Variants in GSPT1 observed in about 807,000 individuals in gnomAD.
The protein encoded by GSPT1 is eukaryotic peptide chain release factor GTP-binding subunit ERF3A.
Under a neutral mutation model 72.5 loss-of-function variants are expected in GSPT1, and 20 were observed. The observed-to-expected ratio is 0.28, with a 90% CI of 0.19 to 0.40. The LOEUF is 0.40. Ranked by LOEUF, GSPT1 falls within the 10% of genes least tolerant of loss-of-function variation. The pLI is 1.00. For missense variants in GSPT1, 580 were observed against 811.9 expected, an observed-to-expected ratio of 0.71 and a Z score of 3.47; for synonymous variants, 334 against 293.5, an observed-to-expected ratio of 1.14 and a Z score of -1.41.
At chr16:11,894,896 T>C in intron 5 of GSPT1, 58 bp downstream of exon 5, 1 of 1,080,620 alleles carries the variant, frequency 9.3e-7, no homozygotes, top group South Asian at 1.3e-5. Context: ...AGGTTTACAA[T>C]GCCTAAAATT....
rs1158026034 is a variant in GSPT1 at position 11,911,854 on chromosome 16, A to ATTTTTTTTTTTTTTTTT, written c.352+3498_352+3514dup. On this transcript the variant is annotated intron_variant, in intron 1 of 14. Coordinates refer to ENST00000434724, the MANE Select transcript of GSPT1 (RefSeq NM_002094.4). ...GGCATGAGCCACTGCACCCAGCTGTATTTTTTTTTTTTTTTTTTTTTTTTT... is the reference window on the plus strand; with the variant it reads ...GGCATGAGCCACTGCACCCAGCTGTATTTTTTTTTTTTTTTTTTTTTTTTTTTTTTTTTTTTTTTTTT... Among the ~76,000 whole-genome samples, 21 of 45,410 alleles carry ATTTTTTTTTTTTTTTTT rather than the reference A, an allele frequency of 4.6e-4. 5 individuals are homozygous for ATTTTTTTTTTTTTTTTT. The highest frequency in any genetic ancestry group is 1.9e-3 in the South Asian group (2 of 1,060). The allele number at this position is 45,410 out of a possible 152,430, so 29.8% of individuals were successfully genotyped here. A position where few individuals can be genotyped will look rare whatever the true frequency, so the allele number is the denominator to read the frequency against.
chr16:11,891,090 C>T lies in GSPT1; in HGVS notation c.748G>A (p.Glu250Lys). 6.7e-7 allele frequency: 1 copy of T among 1,494,372 alleles called. No homozygotes were observed. The highest frequency in any genetic ancestry group is 9.1e-7 in the Non-Finnish European group (1 of 1,104,088). The allele number at this position is 1,494,372 out of a possible 1,614,324, so 92.6% of individuals were successfully genotyped here. A position where few individuals can be genotyped will look rare whatever the true frequency, so the allele number is the denominator to read the frequency against. ...GTTTCTCTGTTTTTCTCTTTAGCTT[C>T]TCTTTCATACTTTTCAAGCGTCCTT... ...DKRTLEKYER[E>K]AKEKNRETWY... Residue 250 changes from glutamate to lysine, a missense_variant, in exon 6 of 15, where the codon GAA (glutamate) becomes AAA (lysine). By Grantham distance (56) the Glu-to-Lys change is moderately conservative. Around this residue, in one of 6 missense-constraint regions of GSPT1, gnomAD observed 51 missense variants for 118.2 expected, o/e 0.43. Transcript: ENST00000434724.
intron 1 of GSPT1, chr16:11,904,002 T>C (rs1278148272): frequency 9.1e-6 from 2 of 219,710 alleles, no homozygotes; most frequent in Non-Finnish European, 2.0e-5. Context: ...ATATGCCTTC[T>C]TTCTTGGTTC....
chr16:11,894,361 T>C (rs2054308390), intron 5 of GSPT1, among the ~76,000 whole-genome samples: 1 of 151,964 alleles, frequency 6.6e-6, no homozygotes, highest in Non-Finnish European at 1.5e-5. Context: ...ATTTCATACC[T>C]AGGAAATTTC....
intron 5 of GSPT1, among the ~76,000 whole-genome samples, chr16:11,891,357 T>C (rs1270712019): frequency 6.9e-6 from 1 of 144,106 alleles, no homozygotes; most frequent in Non-Finnish European, 1.5e-5. Flanking sequence ...ATATATTACA[T>C]ATATATATAT....
intron 1 of GSPT1, among the ~76,000 whole-genome samples, chr16:11,912,297 G>C (rs1002788120): frequency 1.3e-5 from 2 of 148,186 alleles, no homozygotes; most frequent in African/African-American, 2.5e-5. Flanking sequence ...GTAGTCAGCC[G>C]AGATCGTGCC....
At chr16:11,898,180 CT>C (rs2054363697) in intron 1 of GSPT1, 145 bp from the exon 2 acceptor site, 1 of 613,576 alleles carries the variant, frequency 1.6e-6, no homozygotes, top group Admixed American at 3.0e-5. Flanking sequence ...TAACTCAGGC[CT>C]TCAAGTTAGA....
chr16:11,916,043 T>G, upstream of GSPT1: 1 of 615,774 alleles, frequency 1.6e-6, no homozygotes, highest in Non-Finnish European at 3.1e-6. Context: ...CACCCGTACC[T>G]TCGCCTCGGT....
At chr16:11,887,824 G>T in intron 6 of GSPT1, 74 bp from the exon 7 acceptor site, 1 of 961,238 alleles carries the variant, frequency 1.0e-6, no homozygotes, top group Non-Finnish European at 1.6e-6. Context: ...CACCATTAAA[G>T]ATATAATGGA....
chr16:11,914,845 G>T, intron 1 of GSPT1: 1 of 416,858 alleles, frequency 2.4e-6, no homozygotes, highest in Non-Finnish European at 4.4e-6. Context: ...CTTCAGGACG[G>T]TTGGGGGCCA....
intron 5 of GSPT1, among the ~76,000 whole-genome samples, chr16:11,894,279 T>G (rs527424307): frequency 1.3e-5 from 2 of 149,740 alleles, no homozygotes; most frequent in Non-Finnish European, 3.0e-5. Flanking sequence ...GAGAAGCAAT[T>G]AAAAATTTAG....
intron 1 of GSPT1, among the ~76,000 whole-genome samples, chr16:11,906,399 G>C (rs2054490450): frequency 6.6e-6 from 1 of 152,186 alleles, no homozygotes; most frequent in African/African-American, 2.4e-5. Context: ...GGGAGGCCAA[G>C]CTAAGAGGGT....
intron 1 of GSPT1, chr16:11,915,109 G>A: frequency 9.5e-6 from 11 of 1,156,480 alleles, no homozygotes; most frequent in Non-Finnish European, 1.2e-5. Flanking sequence ...TCCAGAGCAG[G>A]GCAGGGGCGC....
intron 1 of GSPT1, among the ~76,000 whole-genome samples, chr16:11,910,245 T>C (rs2054541412): frequency 6.6e-6 from 1 of 152,158 alleles, no homozygotes; most frequent in Admixed American, 6.5e-5. Flanking sequence ...AATCTTTAGT[T>C]TTATGAGAGT....
chr16:11,875,874 C>T lies in GSPT1; in HGVS notation c.1748G>A (p.Arg583His), dbSNP rs1170332984. ...GCATACTTGATCTTGTTTGACAAAA[C>T]GGGGTCGGGTCTTACTTTTTTCTCC... ...KSGEKSKTRP[R>H]FVKQDQVCIA... Residue 583 changes from arginine (R) to histidine (H), a missense_variant, in exon 14 of 15, where the codon CGT becomes CAT. By Grantham distance (29) the Arg-to-His change is conservative (BLOSUM62 0). This residue lies in a region of GSPT1 where 120 missense variants were observed against 242.5 expected (regional missense o/e 0.49). Coordinates refer to ENST00000434724, the MANE Select transcript of GSPT1 (RefSeq NM_002094.4). 15 of 1,613,554 alleles carry T rather than the reference C, an allele frequency of 9.3e-6. No homozygotes were observed. The highest frequency in any genetic ancestry group is 2.2e-5 in the East Asian group (1 of 44,858).
chr16:11,899,147 T>G (rs1425151485), intron 1 of GSPT1, among the ~76,000 whole-genome samples: 1 of 152,176 alleles, frequency 6.6e-6, no homozygotes, highest in Non-Finnish European at 1.5e-5. Context: ...AATTAAATCA[T>G]ATGAATCATG....
intron 4 of GSPT1, 66 bp downstream of exon 4, chr16:11,896,492 G>A (rs1043203085): frequency 1.3e-5 from 11 of 847,012 alleles, no homozygotes; most frequent in Non-Finnish European, 1.7e-5. Flanking sequence ...ACATCTCCAG[G>A]TAGCTAAAAA....
intron 13 of GSPT1, 51 bp downstream of exon 13, chr16:11,876,035 T>C (rs995261513): frequency 5.5e-6 from 8 of 1,462,414 alleles, no homozygotes; most frequent in South Asian, 2.3e-5. Flanking sequence ...TTAGAAATTA[T>C]GAAGATAAAA....
intron 5 of GSPT1, among the ~76,000 whole-genome samples, chr16:11,892,526 A>AT (rs1567443303): frequency 0.021 from 2,985 of 144,440 alleles, 143 homozygotes; most frequent in African/African-American, 0.076. Context: ...AAAAAAACAA[A>AT]AAAAACAAAA....
Sources: gnomAD v4.1 joint callset for allele counts (sites outside exome capture counted in the v4.1 genomes callset) on GRCh38, gnomAD v4.1.1 for gene constraint, gnomAD v4.1.1 regional missense constraint, MANE v1.5 for transcripts, NCBI Gene and HGNC (gene_info 2026-07-23, HGNC 2026-07-21) for gene names.